Variants in CDK12 observed in about 807,000 individuals in gnomAD.
CDK12 encodes cyclin-dependent kinase 12.
Under a neutral mutation model 133.8 loss-of-function variants are expected in CDK12, and 17 were observed. The observed-to-expected ratio is 0.13, with a 90% CI of 0.09 to 0.19. The LOEUF (loss-of-function observed/expected upper bound fraction) is 0.19. CDK12 is among the 10% of genes least tolerant of loss of function. The pLI is 1.00. For missense variants in CDK12, 1,508 were observed against 1,818.7 expected (o/e 0.83, Z 3.11); for synonymous variants, 694 against 683.6 (o/e 1.02, Z -0.24).
chr17:39,509,329 CT>C (rs1273433904), intron 6 of CDK12, among the ~76,000 whole-genome samples: 1 of 152,070 alleles, frequency 6.6e-6, no homozygotes, highest in Non-Finnish European at 1.5e-5. Flanking sequence ...CAAATCATTT[CT>C]TTTTTTTCCC....
At chr17:39,492,046 T>A (rs2051658032) in intron 3 of CDK12, among the ~76,000 whole-genome samples, 1 of 149,694 alleles carries the variant, frequency 6.7e-6, no homozygotes. Flanking sequence ...CAGGAGTTAG[T>A]GAAATCATCA....
At chr17:39,541,920 A>G (rs1284769960) in intron 1 of CDK12, among the ~76,000 whole-genome samples, 2 of 152,220 alleles carry the variant, frequency 1.3e-5, no homozygotes, top group South Asian at 2.1e-4. Context: ...TAAGGAAGGA[A>G]AGTGCCTTGC....
chr17:39,565,741 C>T (rs776187641), downstream of CDK12, among the ~76,000 whole-genome samples: 1 of 152,336 alleles, frequency 6.6e-6, no homozygotes, highest in East Asian at 1.9e-4. Flanking sequence ...GCTTCCCTCT[C>T]ATATTTCTAT....
upstream of CDK12, among the ~76,000 whole-genome samples, chr17:39,547,468 G>A (rs1467137869): frequency 6.6e-6 from 1 of 152,098 alleles, no homozygotes; most frequent in Non-Finnish European, 1.5e-5. Flanking sequence ...GGTTTTATGT[G>A]TGCATTTGTT....
In CDK12 at chr17:39,462,998, G is replaced by A; in HGVS notation, c.927G>A (p.Arg309=). The change falls in exon 1 of 14, where the codon CGG becomes CGA. Residue 309 remains arginine (R), a synonymous_variant. Coordinates refer to ENST00000447079, the MANE Select transcript of CDK12 (RefSeq NM_016507.4). ...QRSVSPYSRR[R]SSSYERSGSY... The stretch of plus-strand genomic sequence containing the variant: ...CTGTCAGTCCCTATAGCAGGAGACG[G>A]TCGTCCAGCTACGAAAGAAGTGGCT... 1 of 1,614,160 alleles carries A rather than the reference G, an allele frequency of 6.2e-7. No homozygotes were observed. The highest frequency in any genetic ancestry group is 8.5e-7 in the Non-Finnish European group (1 of 1,180,012).
chr17:39,567,006 A>C (rs1299164289), downstream of CDK12: 1 of 152,350 alleles, frequency 6.6e-6, no homozygotes, highest in Admixed American at 6.5e-5. Flanking sequence ...CCGGGCAGCT[A>C]CTTTGTTCCA....
chr17:39,552,888 C>G (rs1277412385), intron 2 of CDK12, among the ~76,000 whole-genome samples: 1 of 152,144 alleles, frequency 6.6e-6, no homozygotes, highest in Non-Finnish European at 1.5e-5. Flanking sequence ...ACCACCATGC[C>G]TGGCTAATTT....
rs749340586 is a variant in CDK12, at chr17:39,511,513, GTT to G, written c.2667-11_2667-10del. 5.9e-6 allele frequency: 9 copies of G among 1,530,392 alleles called. No homozygotes were observed. Among genetic ancestry groups the G allele is most frequent in the Middle Eastern group, 1.7e-4 (1 of 5,844 alleles). 94.8% of individuals were successfully genotyped at this position (1,530,392 alleles called of 1,614,324 possible). On this transcript the variant is annotated splice_polypyrimidine_tract_variant and intron_variant, in intron 7 of 13. Coordinates refer to ENST00000447079, the MANE Select transcript of CDK12 (RefSeq NM_016507.4). ...GCCACTGTAAGTTTATGTCATGGTT[GTT>G]TTTTATATTTCAGTCGCCCTTACAC...
In CDK12 at chr17:39,520,085, A is replaced by C; in HGVS notation, c.3093A>C (p.Pro1031=). 3.7e-6 allele frequency: 6 copies of C among 1,613,974 alleles called. No individual in the cohort carries two copies. The highest frequency in any genetic ancestry group is 5.1e-6 in the Non-Finnish European group (6 of 1,179,926). ...TCGAACTCAGCAAAATGGCTCCTCC[A>C]GAGTAAGTGCTGGTAGCCATGTTGT... ...KDVELSKMAP[P]DLPHWQDCHE... The change falls in exon 11 of 14, where the codon CCA becomes CCC. Residue 1031 remains proline, a splice_region_variant and synonymous_variant. Coordinates refer to ENST00000447079, the MANE Select transcript of CDK12 (RefSeq NM_016507.4).
intron 6 of CDK12, among the ~76,000 whole-genome samples, chr17:39,501,797 A>G (rs1598080865): frequency 6.6e-6 from 1 of 150,672 alleles, no homozygotes; most frequent in South Asian, 2.1e-4. Flanking sequence ...TTATTTGCCT[A>G]TACTGCATTG....
chr17:39,469,636 C>CTTTT (rs1232951407), intron 1 of CDK12, among the ~76,000 whole-genome samples: 1 of 132,802 alleles, frequency 7.5e-6, no homozygotes, highest in African/African-American at 2.8e-5. Context: ...AGTATGACTT[C>CTTTT]TTTTTTTTTT....
At chr17:39,526,385 A>C (rs766188384) in intron 13 of CDK12, 69 bp downstream of exon 13, 97 of 1,245,570 alleles carry the variant, frequency 7.8e-5, no homozygotes, top group Middle Eastern at 5.6e-4. Flanking sequence ...ATCTCTTAAC[A>C]TTTTTTTTCC....
chr17:39,497,196 T>C (rs1030304736), intron 5 of CDK12, among the ~76,000 whole-genome samples: 2 of 152,158 alleles, frequency 1.3e-5, no homozygotes, highest in Non-Finnish European at 2.9e-5. Flanking sequence ...CCTCCCAAAG[T>C]GCTGGAATTA....
chr17:39,531,138 A>G lies in CDK12; in HGVS notation c.4295A>G (p.His1432Arg), dbSNP rs770201826. The change falls in exon 14 of 14, where the codon CAT (histidine) becomes CGT (arginine). Residue 1432 changes from histidine to arginine, a missense_variant. Coordinates refer to ENST00000447079, the MANE Select transcript of CDK12 (RefSeq NM_016507.4). Reference sequence around the variant, plus strand: ...GAGGGAAGCAGCAATTCTGTGGTACATGCAGAGACCAAATTGCAAAACTAT... The same window carrying G: ...GAGGGAAGCAGCAATTCTGTGGTACGTGCAGAGACCAAATTGCAAAACTAT... ...KAEGSSNSVV[H>R]AETKLQNYGE... 3 of 1,544,216 alleles carry G rather than the reference A, an allele frequency of 1.9e-6. No individual in the cohort carries two copies. Among genetic ancestry groups the G allele is most frequent in the African/African-American group, 1.4e-5 (1 of 72,498 alleles).
chr17:39,502,395 C>T (rs531717189), intron 6 of CDK12, among the ~76,000 whole-genome samples: 10 of 152,224 alleles, frequency 6.6e-5, no homozygotes, highest in Non-Finnish European at 1.2e-4. Flanking sequence ...CCTCGTGATC[C>T]GCCCACCTCG....
At position 39,461,940 on chromosome 17, in the gene CDK12, C is replaced by T; in HGVS notation, c.-132C>T. 1.5e-6 allele frequency: 1 copy of T among 683,414 alleles called. No individual in the cohort carries two copies. The highest frequency in any genetic ancestry group is 2.9e-5 in the Admixed American group (1 of 34,324). The allele number at this position is 683,414 out of a possible 1,614,324, so 42.3% of individuals were successfully genotyped here. ...CGGGAGGGAGGAGGAGCCTGGGCTA[C>T]CGTCCCTGCCCTCCCCACCCCCTTC... On this transcript the variant is annotated 5_prime_UTR_variant, in exon 1 of 14. Coordinates refer to ENST00000447079, the MANE Select transcript of CDK12 (RefSeq NM_016507.4).
At position 39,490,679 on chromosome 17, in the gene CDK12, C is replaced by A; in HGVS notation, c.2054C>A (p.Ser685Tyr). 6.2e-7 allele frequency: 1 copy of A among 1,613,696 alleles called. No individual in the cohort carries two copies. The highest frequency in any genetic ancestry group is 1.1e-5 in the South Asian group (1 of 91,052). The change falls in exon 3 of 14, where the codon TCT becomes TAT. Residue 685 changes from serine to tyrosine, a missense_variant. Ser to Tyr is a moderately radical substitution (Grantham distance 144, BLOSUM62 -2). Transcript: ENST00000447079. ...LPGGDLSPPD[S>Y]PEPKAITPPQ... Reference sequence around the variant, plus strand: ...GGTGGAGATCTGTCTCCCCCAGACTCTCCAGAACCAAAGGCAATCACACCA... The same window carrying A: ...GGTGGAGATCTGTCTCCCCCAGACTATCCAGAACCAAAGGCAATCACACCA...
At chr17:39,494,484 A>T (rs758202804) in intron 4 of CDK12, 40 bp from the exon 5 acceptor site, 1 of 1,595,064 alleles carries the variant, frequency 6.3e-7, no homozygotes, top group African/African-American at 1.3e-5. Flanking sequence ...AGTGGCCAAA[A>T]ATGCTCATTG....
At chr17:39,542,957 A>G (rs1369798141), upstream of CDK12, among the ~76,000 whole-genome samples, 2 of 152,260 alleles carry the variant, frequency 1.3e-5, no homozygotes, top group Admixed American at 6.5e-5. Flanking sequence ...AGCATTTTGC[A>G]ACTATCTCTG....
Sources: gnomAD v4.1 joint callset for allele counts (sites outside exome capture counted in the v4.1 genomes callset) on GRCh38, gnomAD v4.1.1 for gene constraint, MANE v1.5 for transcripts, NCBI Gene and HGNC (gene_info 2026-07-23, HGNC 2026-07-21) for gene names.